CDCP2: variants seen among roughly 807,000 people sequenced by gnomAD.
The protein encoded by CDCP2 is CUB domain containing protein 2, also known as CUB domain-containing protein 2.
Under a neutral mutation model 31.0 loss-of-function variants are expected in CDCP2, and 31 were observed. That is an observed-to-expected ratio of 1.00 (90% confidence interval 0.75 to 1.35). The LOEUF (loss-of-function observed/expected upper bound fraction) is 1.35. CDCP2 is among the 40% of genes most tolerant of loss of function. CDCP2 has a pLI of 0.00. For missense variants in CDCP2, 443 were observed against 482.6 expected (o/e 0.92, Z 0.77); for synonymous variants, 206 against 207.9 (o/e 0.99, Z 0.08).
exon 3 of CDCP2, chr1:54,141,155 C>T: frequency 6.4e-7 from 1 of 1,561,010 alleles, no homozygotes; most frequent in Non-Finnish European, 8.7e-7. Flanking sequence ...GACTTGAAGA[C>T]CACCTGCAGT....
chr1:54,136,251 G>C (rs777417131), intron 5 of CDCP2, among the ~76,000 whole-genome samples: 1 of 152,198 alleles, frequency 6.6e-6, no homozygotes, highest in Non-Finnish European at 1.5e-5. Flanking sequence ...GCACTGAAGG[G>C]AAAGGGGAGG....
At chr1:54,132,957 A>G (rs887829354), downstream of CDCP2, 6 of 398,714 alleles carry the variant, frequency 1.5e-5, no homozygotes, top group East Asian at 3.6e-5. Flanking sequence ...CCAGGTCCCT[A>G]TGCTGTCTAT....
chr1:54,132,828 C>T (rs750158539), downstream of CDCP2: 5 of 397,394 alleles, frequency 1.3e-5, no homozygotes, highest in Admixed American at 4.4e-5. Flanking sequence ...GGCAGAATGA[C>T]TGTCCCTAGG....
At chr1:54,137,692 T>TGTGCGTGTGTGTGTGTGTGTGC (rs1553173557) in intron 4 of CDCP2, 1 of 146,090 alleles carries the variant, frequency 6.8e-6, no homozygotes, top group African/African-American at 2.6e-5. Context: ...TGCGTGTGTG[T>TGTGCGTGTGTGTGTGTGTGTGC]GTGTGTGTGT....
chr1:54,149,441 A>C (rs1659537548), intron 1 of CDCP2, among the ~76,000 whole-genome samples: 1 of 149,434 alleles, frequency 6.7e-6, no homozygotes, highest in African/African-American at 2.6e-5. Flanking sequence ...AAGGTTGATA[A>C]TTATTGAAGA....
downstream of CDCP2, chr1:54,132,819 G>A (rs1659188431): frequency 2.5e-6 from 1 of 397,268 alleles, no homozygotes; most frequent in Non-Finnish European, 4.4e-6. Context: ...AGATAGCAGG[G>A]CAGAATGACT....
chr1:54,149,840 T>G (rs1419331004), intron 1 of CDCP2, among the ~76,000 whole-genome samples: 1 of 152,162 alleles, frequency 6.6e-6, no homozygotes, highest in Non-Finnish European at 1.5e-5. Context: ...GTGAATAATC[T>G]TATATAATCC....
chr1:54,136,737 G>T, exon 5 of CDCP2: 1 of 399,172 alleles, frequency 2.5e-6, no homozygotes, highest in East Asian at 3.6e-5. Flanking sequence ...GTCCGCTCCA[G>T]CGGGGCCAGC....
At chr1:54,144,641 G>T in exon 2 of CDCP2, 1 of 1,613,650 alleles carries the variant, frequency 6.2e-7, no homozygotes, top group South Asian at 1.1e-5. Context: ...GAAAGTCGAA[G>T]CTGCAGGTGT....
chr1:54,149,860 C>G (rs1479116568), intron 1 of CDCP2, among the ~76,000 whole-genome samples: 1 of 152,204 alleles, frequency 6.6e-6, no homozygotes, highest in Non-Finnish European at 1.5e-5. Flanking sequence ...CTCACAACAG[C>G]CCCATGAACT....
In CDCP2 at chr1:54,133,913, C is replaced by CAAACAA. The variant is rs748829165; in HGVS notation, c.1297-620_1297-619insTTGTTT. 1.0e-4 allele frequency among the ~76,000 whole-genome samples: 15 copies of CAAACAA among 144,890 alleles called. No individual in the cohort carries two copies. In the South Asian group the frequency reaches 2.7e-3, roughly 26 times the overall value. ...TCCATCTCAAAAACAAACAAACAAA[C>CAAACAA]AAAAAAAACCCCATGTTACAGAGGA... is the stretch of plus-strand genomic sequence containing the variant. On this transcript the variant is annotated intron_variant, in intron 5 of 5. Coordinates refer to ENST00000530059, the Ensembl canonical transcript of CDCP2.
chr1:54,141,751 C>G (rs571397734), intron 2 of CDCP2: 1 of 242,222 alleles, frequency 4.1e-6, no homozygotes, highest in African/African-American at 2.2e-5. Flanking sequence ...CCAGGCAGAC[C>G]TTGAGATAAG....
At chr1:54,148,246 A>G (rs1659509821) in intron 1 of CDCP2, among the ~76,000 whole-genome samples, 1 of 151,210 alleles carries the variant, frequency 6.6e-6, no homozygotes, top group Non-Finnish European at 1.5e-5. Flanking sequence ...TTTTATAATT[A>G]AAAATATATA....
chr1:54,133,092 G>A (rs1030642006), exon 6 of CDCP2: 9 of 399,006 alleles, frequency 2.3e-5, no homozygotes, highest in African/African-American at 6.2e-5. Context: ...CAGTGCCTCC[G>A]CCTCATCCAT....
At chr1:54,135,570 G>A (rs905386966) in intron 5 of CDCP2, among the ~76,000 whole-genome samples, 7 of 152,160 alleles carry the variant, frequency 4.6e-5, no homozygotes, top group Non-Finnish European at 8.8e-5. Context: ...TTGGTTCTAG[G>A]ATTTCCTGAG....
At chr1:54,148,041 A>G (rs1245414328) in intron 1 of CDCP2, among the ~76,000 whole-genome samples, 1 of 151,716 alleles carries the variant, frequency 6.6e-6, no homozygotes, top group Admixed American at 6.6e-5. Context: ...TTAAACAAGG[A>G]AATCATACTT....
At chr1:54,152,909 C>A (rs773948499) in exon 1 of CDCP2, 6 of 1,614,220 alleles carry the variant, frequency 3.7e-6, no homozygotes, top group South Asian at 2.2e-5. Context: ...GCAAGCCCCC[C>A]ACTCTGCCAG....
At chr1:54,144,887 A>G in intron 1 of CDCP2, 74 bp from the exon 2 acceptor site, 1 of 1,159,244 alleles carries the variant, frequency 8.6e-7, no homozygotes, top group Non-Finnish European at 1.2e-6. Flanking sequence ...CAGTGGGCCC[A>G]GCTACAAAGC....
At chr1:54,139,648 G>GA (rs1553173744) in intron 4 of CDCP2, 105 bp downstream of exon 4, 1 of 1,613,628 alleles carries the variant, frequency 6.2e-7, no homozygotes, top group South Asian at 1.1e-5. Context: ...CCATTCATGG[G>GA]GGGGGCAGGA....
Sources: gnomAD v4.1 joint callset for allele counts (sites outside exome capture counted in the v4.1 genomes callset) on GRCh38, gnomAD v4.1.1 for gene constraint, MANE v1.5 for transcripts, NCBI Gene and HGNC (gene_info 2026-07-23, HGNC 2026-07-21) for gene names.